The following SLC5A11 variants were observed in gnomAD, a reference collection of about 807,000 sequenced individuals.
SLC5A11 encodes sodium/myo-inositol cotransporter 2.
A neutral mutation model predicts 69.8 loss-of-function variants in SLC5A11; 48 were observed. That is an observed-to-expected ratio of 0.69 (90% CI 0.55 to 0.87). The LOEUF (loss-of-function observed/expected upper bound fraction) is 0.87, where lower values mean the gene tolerates loss of function less well. Ranked by LOEUF, SLC5A11 falls within the 40% of genes least tolerant of loss-of-function variation. The pLI is 0.00. For synonymous variants in SLC5A11, 319 were observed against 342.4 expected, an observed-to-expected ratio of 0.93 and a Z score of 0.75; for missense variants, 784 against 866.1, an observed-to-expected ratio of 0.91 and a Z score of 1.19.
chr16:24,860,937 G>A (rs1191615372), intron 2 of SLC5A11, among the ~76,000 whole-genome samples: 1 of 152,110 alleles, frequency 6.6e-6, no homozygotes, highest in East Asian at 1.9e-4. Flanking sequence ...TCAATCTCCT[G>A]ACCTCGTGAT....
intron 8 of SLC5A11, among the ~76,000 whole-genome samples, chr16:24,887,406 A>T (rs946784753): frequency 3.9e-5 from 6 of 152,220 alleles, no homozygotes; most frequent in Non-Finnish European, 7.3e-5. Context: ...TTACTAACAA[A>T]AACTTTAAAA....
chr16:24,852,065 G>A (rs1313970730), intron 1 of SLC5A11, among the ~76,000 whole-genome samples: 4 of 142,072 alleles, frequency 2.8e-5, no homozygotes, highest in Admixed American at 7.8e-5. Flanking sequence ...CTGGAAATAC[G>A]CCTGCACTCT....
At chr16:24,910,540 T>C in intron 15 of SLC5A11, 63 bp downstream of exon 16, 1 of 1,527,372 alleles carries the variant, frequency 6.5e-7, no homozygotes, top group Non-Finnish European at 8.8e-7. Context: ...TTGATTTTTT[T>C]TTTTTTCCTA....
At chr16:24,900,954 T>G (rs925338857) in intron 10 of SLC5A11, among the ~76,000 whole-genome samples, 1 of 151,150 alleles carries the variant, frequency 6.6e-6, no homozygotes, top group Non-Finnish European at 1.5e-5. Flanking sequence ...AGAATATGGC[T>G]TCAAACAACC....
intron 8 of SLC5A11, among the ~76,000 whole-genome samples, chr16:24,889,543 ATTTTTTTTTTTTTTTT>A (rs71156454): frequency 1.3e-5 from 1 of 74,346 alleles, no homozygotes; most frequent in Non-Finnish European, 2.4e-5. Context: ...AGGTCTTACA[ATTTTTTTTTTTTTTTT>A]TTTTTTTTTT....
At chr16:24,877,767 C>T (rs908291349) in intron 7 of SLC5A11, among the ~76,000 whole-genome samples, 2 of 151,976 alleles carry the variant, frequency 1.3e-5, no homozygotes, top group African/African-American at 4.8e-5. Context: ...GGGTGGATCA[C>T]GAGGTCAGGA....
intron 2 of SLC5A11, 147 bp from the exon 4 acceptor site, chr16:24,862,454 A>C: frequency 1.8e-6 from 1 of 552,884 alleles, no homozygotes; most frequent in East Asian, 2.9e-5. Flanking sequence ...AATTTTATCC[A>C]AAACTCTGGG....
intron 1 of SLC5A11, among the ~76,000 whole-genome samples, chr16:24,847,782 A>G (rs192161990): frequency 2.0e-4 from 31 of 152,340 alleles, no homozygotes; most frequent in African/African-American, 6.5e-4. Flanking sequence ...GGGCGGTCAC[A>G]GCGTGCAAAG....
exon 11 of SLC5A11, chr16:24,906,709 C>G: frequency 6.2e-7 from 1 of 1,613,838 alleles, no homozygotes; most frequent in Non-Finnish European, 8.5e-7. Flanking sequence ...GCAGCAACCC[C>G]TCAGGCTGTT....
rs1161222735 is a variant in SLC5A11, at chr16:24,875,624, C to G, written c.373-3C>G. On this transcript the variant is annotated splice_region_variant and splice_polypyrimidine_tract_variant and intron_variant, in intron 5 of 15. Transcript: ENST00000347898. The stretch of plus-strand genomic sequence containing the variant: ...GTGGTGAAATCTCAGCTCTGGCCCT[C>G]AGGTCACCACGATGCCAGAATACCT... 2.5e-6 allele frequency: 4 copies of G among 1,612,598 alleles called. No homozygotes were observed. The highest frequency in any genetic ancestry group is 3.3e-5 in the Admixed American group (2 of 59,824).
chr16:24,873,249 G>GGAAC (rs2152309456), intron 5 of SLC5A11, among the ~76,000 whole-genome samples: 1 of 67,588 alleles, frequency 1.5e-5, no homozygotes, highest in East Asian at 3.0e-4. Flanking sequence ...GAGGGAGGGA[G>GGAAC]GAAGGAAGGA....
At chr16:24,850,718 G>A (rs2059263882) in intron 1 of SLC5A11, among the ~76,000 whole-genome samples, 1 of 152,136 alleles carries the variant, frequency 6.6e-6, no homozygotes, top group Non-Finnish European at 1.5e-5. Context: ...CCTGTACAAT[G>A]GAGTTAATCA....
chr16:24,850,457 G>T (rs2059251780), intron 1 of SLC5A11, among the ~76,000 whole-genome samples: 2 of 152,230 alleles, frequency 1.3e-5, no homozygotes, highest in African/African-American at 4.8e-5. Context: ...GCCAGGCCAG[G>T]GCACAGCTTG....
intron 2 of SLC5A11, among the ~76,000 whole-genome samples, chr16:24,859,538 C>T (rs2059673784): frequency 6.6e-6 from 1 of 152,256 alleles, no homozygotes. Flanking sequence ...GCCTTCTCTC[C>T]ACAGGTAACC....
chr16:24,887,247 C>T (rs963500101), intron 8 of SLC5A11, among the ~76,000 whole-genome samples: 1 of 151,848 alleles, frequency 6.6e-6, no homozygotes, highest in Admixed American at 6.6e-5. Flanking sequence ...AAAACAAAAT[C>T]GAGAGTTGGT....
intron 10 of SLC5A11, among the ~76,000 whole-genome samples, chr16:24,905,309 G>A (rs2049949895): frequency 6.7e-6 from 1 of 148,288 alleles, no homozygotes; most frequent in African/African-American, 2.5e-5. Context: ...TGGGTGTGGT[G>A]GCACGCCTAT....
chr16:24,851,423 G>A (rs2059301329), intron 1 of SLC5A11, among the ~76,000 whole-genome samples: 1 of 152,160 alleles, frequency 6.6e-6, no homozygotes, highest in African/African-American at 2.4e-5. Flanking sequence ...CTACCTGGGA[G>A]GCTGAGGCAG....
At chr16:24,848,418 G>A (rs900999608) in intron 1 of SLC5A11, among the ~76,000 whole-genome samples, 1 of 152,104 alleles carries the variant, frequency 6.6e-6, no homozygotes, top group African/African-American at 2.4e-5. Flanking sequence ...AGACCCGTCT[G>A]GGCAACATAG....
At position 24,869,949 on chromosome 16, in the gene SLC5A11, G is replaced by A. The variant is rs1413525929; in HGVS notation, c.256G>A (p.Gly86Ser). The A allele has an allele frequency of 9.9e-6, 16 of 1,614,130 alleles. No homozygotes were observed. The East Asian group carries it at 3.6e-4, about 36-fold the overall frequency. The stretch of plus-strand genomic sequence containing the variant: ...CAATGTTGGAAGTGGACATTTCATT[G>A]GCCTGGCAGGGTCAGGTGCTGCTAC... Residue 86 changes from glycine to serine, a missense_variant, in exon 4 of 16, where the codon GGC becomes AGC. By Grantham distance (56) the Gly-to-Ser change is moderately conservative. This residue lies in a region of SLC5A11 where 133 missense variants were observed against 107.4 expected (regional missense o/e 1.24). Transcript: ENST00000347898.
Sources: allele counts gnomAD v4.1 joint callset (sites outside exome capture counted in the v4.1 genomes callset), GRCh38; gene constraint gnomAD v4.1.1; regional missense constraint gnomAD v4.1.1; transcripts MANE v1.5; gene names NCBI Gene and HGNC (gene_info 2026-07-23, HGNC 2026-07-21).